Variants in ENPP6 observed in about 807,000 individuals in gnomAD.
ENPP6 encodes the protein ectonucleotide pyrophosphatase/phosphodiesterase 6, also known as glycerophosphocholine cholinephosphodiesterase ENPP6.
ENPP6 carries 32 observed loss-of-function variants against 42.0 expected under a neutral mutation model. The observed-to-expected ratio is 0.76, with a 90% CI of 0.58 to 1.02. The LOEUF (loss-of-function observed/expected upper bound fraction) is 1.02, where lower values mean the gene tolerates loss of function less well. Ranked by LOEUF, ENPP6 falls within the 50% of genes least tolerant of loss-of-function variation. ENPP6 has a pLI of 0.00. For synonymous variants in ENPP6, 213 were observed against 216.0 expected (o/e 0.99, Z 0.12); for missense variants, 552 against 566.8 (o/e 0.97, Z 0.27).
chr4:184,102,182 C>G (rs41508148), intron 6 of ENPP6, among the ~76,000 whole-genome samples: 13 of 152,280 alleles, frequency 8.5e-5, no homozygotes, highest in African/African-American at 3.1e-4. Flanking sequence ...ACAGTTTGTT[C>G]GACACTTGCC....
chr4:184,120,194 T>G (rs1244556698), intron 3 of ENPP6, among the ~76,000 whole-genome samples: 3 of 152,230 alleles, frequency 2.0e-5, no homozygotes, highest in South Asian at 4.2e-4. Flanking sequence ...CCAGCCTGAT[T>G]CCTGCTCCTT....
At chr4:184,170,737 C>T (rs1456831726) in intron 1 of ENPP6, among the ~76,000 whole-genome samples, 1 of 152,168 alleles carries the variant, frequency 6.6e-6, no homozygotes, top group Non-Finnish European at 1.5e-5. Context: ...ATCCACTGCA[C>T]GTGGTGCCAT....
In ENPP6 at chr4:184,182,922, T is replaced by C. The variant is rs551652572; in HGVS notation, c.242-29189A>G. On this transcript the variant is annotated intron_variant, in intron 1 of 7. Transcript: ENST00000296741. ...ATGCATGCTGGGCTTAATACCTAGG[T>C]GATGGGTTGATAGGTGCAGCCAACC... 2.8e-4 allele frequency among the ~76,000 whole-genome samples: 43 copies of C among 152,164 alleles called. No individual in the cohort carries two copies. The Middle Eastern group carries it at 0.01, about 36-fold the overall frequency.
At chr4:184,145,509 G>A (rs1223621299) in intron 2 of ENPP6, among the ~76,000 whole-genome samples, 4 of 152,226 alleles carry the variant, frequency 2.6e-5, no homozygotes, top group Non-Finnish European at 2.9e-5. Flanking sequence ...CCCGCTGCAC[G>A]CGTTGTGCTG....
chr4:184,159,132 A>G (rs1452991533), intron 1 of ENPP6, among the ~76,000 whole-genome samples: 3 of 152,222 alleles, frequency 2.0e-5, no homozygotes, highest in Non-Finnish European at 4.4e-5. Context: ...CGATTGTATC[A>G]TCAATAACCT....
intron 1 of ENPP6, among the ~76,000 whole-genome samples, chr4:184,163,908 T>C (rs1737306968): frequency 6.6e-6 from 1 of 152,224 alleles, no homozygotes; most frequent in Non-Finnish European, 1.5e-5. Flanking sequence ...AGAAGGATCT[T>C]GGAAATCGTT....
chr4:184,165,274 C>T (rs892739551), intron 1 of ENPP6, among the ~76,000 whole-genome samples: 1 of 152,232 alleles, frequency 6.6e-6, no homozygotes, highest in African/African-American at 2.4e-5. Context: ...CAGTCTTCCA[C>T]ATAACTCTAG....
chr4:184,131,796 A>AACAC (rs140275578), intron 2 of ENPP6, among the ~76,000 whole-genome samples: 50,198 of 139,918 alleles, frequency 0.36, 9,232 homozygotes, highest in Non-Finnish European at 0.42. Flanking sequence ...GGACCAATAG[A>AACAC]ACACACACAC....
intron 1 of ENPP6, among the ~76,000 whole-genome samples, chr4:184,164,694 G>A (rs1358183521): frequency 2.0e-5 from 3 of 152,172 alleles, no homozygotes; most frequent in African/African-American, 7.2e-5. Flanking sequence ...CAAACTTGTG[G>A]TACTTCGTTA....
At chr4:184,112,207 G>A (rs1432734640) in intron 6 of ENPP6, among the ~76,000 whole-genome samples, 3 of 152,110 alleles carry the variant, frequency 2.0e-5, no homozygotes, top group Non-Finnish European at 4.4e-5. Context: ...AGGCAATTAA[G>A]GTTTGGACAA....
chr4:184,094,212 G>C (rs370836677), intron 7 of ENPP6, among the ~76,000 whole-genome samples: 46 of 152,184 alleles, frequency 3.0e-4, no homozygotes, highest in African/African-American at 1.1e-3. Flanking sequence ...CCAGGAGATG[G>C]AGGCTACAAG....
chr4:184,197,232 C>T (rs1732815605), intron 1 of ENPP6, among the ~76,000 whole-genome samples: 1 of 151,844 alleles, frequency 6.6e-6, no homozygotes. Context: ...GTGGCTCCAC[C>T]TCCCCCTGGG....
intron 2 of ENPP6, among the ~76,000 whole-genome samples, chr4:184,143,176 A>G (rs1170591659): frequency 1.3e-5 from 2 of 152,194 alleles, no homozygotes; most frequent in South Asian, 4.1e-4. Flanking sequence ...GGCATGCAAC[A>G]TGCTGACAAG....
At chr4:184,126,188 TA>T (rs1476828567) in intron 2 of ENPP6, among the ~76,000 whole-genome samples, 5 of 152,218 alleles carry the variant, frequency 3.3e-5, no homozygotes, top group Admixed American at 3.3e-4. Context: ...CGAGCAACAA[TA>T]AATATGTTTG....
intron 2 of ENPP6, among the ~76,000 whole-genome samples, chr4:184,146,644 C>T (rs1010611273): frequency 6.6e-6 from 1 of 152,120 alleles, no homozygotes; most frequent in Non-Finnish European, 1.5e-5. Context: ...CTCACGATGC[C>T]CACTCTGTCT....
chr4:184,119,182 A>G (rs1284833731), intron 3 of ENPP6, among the ~76,000 whole-genome samples: 2 of 152,180 alleles, frequency 1.3e-5, no homozygotes, highest in Non-Finnish European at 2.9e-5. Flanking sequence ...GGAAACTGAT[A>G]AGATGAAAAT....
chr4:184,155,012 G>GA (rs1391106692), intron 1 of ENPP6, among the ~76,000 whole-genome samples: 1 of 152,132 alleles, frequency 6.6e-6, no homozygotes, highest in East Asian at 1.9e-4. Flanking sequence ...ATCCTCAAGA[G>GA]ACTTGTAATT....
chr4:184,176,879 G>A (rs1737572162), intron 1 of ENPP6, among the ~76,000 whole-genome samples: 1 of 152,222 alleles, frequency 6.6e-6, no homozygotes, highest in Non-Finnish European at 1.5e-5. Flanking sequence ...GTGAGACTCT[G>A]TCTCTAACTA....
rs1320298005 is a variant in ENPP6, at chr4:184,089,258, C to T, written c.*1919G>A. 6.6e-6 allele frequency: 1 copy of T among 152,100 alleles called. No homozygotes were observed. Among genetic ancestry groups the T allele is most frequent in the Non-Finnish European group, 1.5e-5 (1 of 68,022 alleles). The allele number at this position is 152,100 out of a possible 1,614,324, so 9.4% of individuals were successfully genotyped here. ...TAGAAATCTTTTGTGAAGGTAAATTCAGTATTTTTAAGCAGTGATCCTTTG... is the reference window on the plus strand; with the variant it reads ...TAGAAATCTTTTGTGAAGGTAAATTTAGTATTTTTAAGCAGTGATCCTTTG... On this transcript the variant is annotated 3_prime_UTR_variant, in exon 8 of 8. Coordinates refer to ENST00000296741, the MANE Select transcript of ENPP6 (RefSeq NM_153343.4).
Sources: gnomAD v4.1 joint callset for allele counts (sites outside exome capture counted in the v4.1 genomes callset) on GRCh38, gnomAD v4.1.1 for gene constraint, MANE v1.5 for transcripts, NCBI Gene and HGNC (gene_info 2026-07-23, HGNC 2026-07-21) for gene names.